The following SGCZ variants were observed in gnomAD, a reference collection of about 807,000 sequenced individuals.
SGCZ encodes sarcoglycan zeta.
In SGCZ, 40 loss-of-function variants were observed where a neutral mutation model predicts 41.3. The observed-to-expected ratio is 0.97, with a 90% CI of 0.75 to 1.26. The LOEUF (loss-of-function observed/expected upper bound fraction) is 1.26. Ranked by LOEUF, SGCZ falls within the 50% of genes most tolerant of loss-of-function variation. SGCZ has a pLI of 0.00. For missense variants in SGCZ, 552 were observed against 369.8 expected (o/e 1.49, Z -4.04); for synonymous variants, 206 against 137.5 (o/e 1.50, Z -3.49).
Position 15,000,727 on chromosome 8 carries a change from C to T in SGCZ, c.39+236858G>A, listed in dbSNP as rs551486610. 1.8e-4 allele frequency among the ~76,000 whole-genome samples: 27 copies of T among 152,242 alleles called. No homozygotes were observed. In the South Asian group the frequency reaches 5.2e-3, roughly 29 times the overall value. ...CCCCACACTATGTAAACAATATACC[C>T]GATGGAAACAATCTGTGAGCCCTGT... is the stretch of plus-strand genomic sequence containing the variant. On this transcript the variant is annotated intron_variant, in intron 1 of 7. Transcript: ENST00000382080.
chr8:14,397,675 G>A (rs539755765), intron 2 of SGCZ, among the ~76,000 whole-genome samples: 3 of 152,076 alleles, frequency 2.0e-5, no homozygotes, highest in Non-Finnish European at 2.9e-5. Flanking sequence ...CACATTCACA[G>A]TTTCTCCTGA....
chr8:14,840,634 C>A (rs529132213), intron 1 of SGCZ, among the ~76,000 whole-genome samples: 1 of 151,994 alleles, frequency 6.6e-6, no homozygotes, highest in Non-Finnish European at 1.5e-5. Flanking sequence ...CTCTTGCACT[C>A]TAACTATCTT....
At chr8:14,836,590 C>T (rs903594322) in intron 1 of SGCZ, among the ~76,000 whole-genome samples, 6 of 152,198 alleles carry the variant, frequency 3.9e-5, no homozygotes, top group Admixed American at 3.3e-4. Context: ...CCTTCATCTC[C>T]TGGGTTCAAG....
At chr8:14,963,141 G>C (rs1413357971) in intron 1 of SGCZ, among the ~76,000 whole-genome samples, 1 of 152,104 alleles carries the variant, frequency 6.6e-6, no homozygotes, top group Non-Finnish European at 1.5e-5. Flanking sequence ...GAGTATCACG[G>C]TTAATACTCC....
At chr8:14,468,259 A>C (rs1412776946) in intron 2 of SGCZ, among the ~76,000 whole-genome samples, 1 of 152,090 alleles carries the variant, frequency 6.6e-6, no homozygotes, top group Non-Finnish European at 1.5e-5. Flanking sequence ...CATCAGCAGT[A>C]ATCTATTTCA....
At chr8:15,013,258 T>C (rs759754039) in intron 1 of SGCZ, among the ~76,000 whole-genome samples, 4 of 152,308 alleles carry the variant, frequency 2.6e-5, no homozygotes, top group Admixed American at 6.5e-5. Flanking sequence ...GGCTGTACTG[T>C]AATAAAATTC....
intron 5 of SGCZ, among the ~76,000 whole-genome samples, chr8:14,111,173 G>C (rs762423056): frequency 3.9e-5 from 6 of 152,106 alleles, no homozygotes; most frequent in Non-Finnish European, 7.3e-5. Flanking sequence ...AATAATATAT[G>C]ACACTGAGCT....
chr8:14,790,755 G>T (rs1800923715), intron 1 of SGCZ, among the ~76,000 whole-genome samples: 1 of 152,142 alleles, frequency 6.6e-6, no homozygotes, highest in Non-Finnish European at 1.5e-5. Context: ...ATACAGCCAG[G>T]AACGTTGGCT....
At chr8:14,482,137 T>A (rs1801551668) in intron 2 of SGCZ, among the ~76,000 whole-genome samples, 1 of 152,158 alleles carries the variant, frequency 6.6e-6, no homozygotes, top group Non-Finnish European at 1.5e-5. Context: ...CCCTGAGTGA[T>A]CCAGGGACTG....
In SGCZ at chr8:14,392,856, G is replaced by T. The variant is rs977577832; in HGVS notation, c.235-68652C>A. ...GAGATTTGCACATGAGCTGTAGTTT[G>T]TATTTGTTATCTTTATGTTCTAATA... On this transcript the variant is annotated intron_variant, in intron 2 of 7. Transcript: ENST00000382080. Among the ~76,000 whole-genome samples, 16 of 152,128 alleles carry T rather than the reference G, an allele frequency of 1.1e-4. No homozygotes were observed. The South Asian group carries it at 3.3e-3, about 32-fold the overall frequency.
chr8:14,564,846 C>A (rs549289236), intron 1 of SGCZ, among the ~76,000 whole-genome samples: 8 of 152,260 alleles, frequency 5.3e-5, no homozygotes, highest in African/African-American at 1.9e-4. Context: ...AGCCTACTTA[C>A]CACGGCAATT....
At chr8:15,006,606 G>A (rs1388641876) in intron 1 of SGCZ, among the ~76,000 whole-genome samples, 2 of 152,090 alleles carry the variant, frequency 1.3e-5, no homozygotes, top group African/African-American at 4.8e-5. Flanking sequence ...AAAATGTTAA[G>A]AGTTAATAAA....
At chr8:14,342,959 C>T (rs1802762614) in intron 2 of SGCZ, among the ~76,000 whole-genome samples, 1 of 152,034 alleles carries the variant, frequency 6.6e-6, no homozygotes, top group African/African-American at 2.4e-5. Flanking sequence ...GTGTGTGCAG[C>T]CTAGGGATTT....
chr8:14,363,378 C>T (rs1803595324), intron 2 of SGCZ, among the ~76,000 whole-genome samples: 1 of 152,140 alleles, frequency 6.6e-6, no homozygotes, highest in Admixed American at 6.5e-5. Flanking sequence ...TGACATCTTT[C>T]ACATTCAGAA....
chr8:14,767,447 C>T (rs1170692844), intron 1 of SGCZ, among the ~76,000 whole-genome samples: 1 of 152,180 alleles, frequency 6.6e-6, no homozygotes, highest in African/African-American at 2.4e-5. Context: ...ATCATATTTT[C>T]TCAATTTTAC....
At chr8:15,158,943 T>C (rs1283365128) in intron 1 of SGCZ, among the ~76,000 whole-genome samples, 1 of 152,230 alleles carries the variant, frequency 6.6e-6, no homozygotes, top group East Asian at 1.9e-4. Context: ...ACCTGTTTCC[T>C]GATATACAAC....
chr8:14,344,594 G>A (rs913379988), intron 2 of SGCZ, among the ~76,000 whole-genome samples: 3 of 151,972 alleles, frequency 2.0e-5, no homozygotes, highest in African/African-American at 4.8e-5. Context: ...AAGAGAAAGG[G>A]AAAAGGGGGG....
At chr8:15,211,481 TC>T (rs2117160930) in intron 1 of SGCZ, among the ~76,000 whole-genome samples, 1 of 152,134 alleles carries the variant, frequency 6.6e-6, no homozygotes, top group East Asian at 1.9e-4. Flanking sequence ...CAACCAACCA[TC>T]CCTTCATTCT....
chr8:14,539,570 G>T (rs1803397049), intron 2 of SGCZ, among the ~76,000 whole-genome samples: 1 of 151,720 alleles, frequency 6.6e-6, no homozygotes, highest in Non-Finnish European at 1.5e-5. Flanking sequence ...TTAAGTTCAG[G>T]GGTACAAGTA....
Sources: gnomAD v4.1 joint callset for allele counts (sites outside exome capture counted in the v4.1 genomes callset) on GRCh38, gnomAD v4.1.1 for gene constraint, MANE v1.5 for transcripts, NCBI Gene and HGNC (gene_info 2026-07-23, HGNC 2026-07-21) for gene names.